Variants in CNTN4 observed in about 807,000 individuals in gnomAD.
CNTN4 encodes the protein contactin 4, also known as contactin-4.
Under a neutral mutation model 122.5 loss-of-function variants are expected in CNTN4, and 77 were observed. That is an observed-to-expected ratio of 0.63 (90% CI 0.52 to 0.76). CNTN4 has a LOEUF of 0.76. CNTN4 is among the 30% of genes least tolerant of loss of function. The pLI is 0.00. For missense variants in CNTN4, 1,256 were observed against 1,259.1 expected, an observed-to-expected ratio of 1.00 and a Z score of 0.04; for synonymous variants, 512 against 447.0, an observed-to-expected ratio of 1.15 and a Z score of -1.83.
chr3:2,886,706 G>A (rs1488191614), intron 9 of CNTN4, among the ~76,000 whole-genome samples: 1 of 151,332 alleles, frequency 6.6e-6, no homozygotes, highest in Non-Finnish European at 1.5e-5. Context: ...TAGAGACGGG[G>A]TTTCACCATG....
intron 4 of CNTN4, among the ~76,000 whole-genome samples, chr3:2,632,043 C>T (rs2082462916): frequency 1.3e-5 from 2 of 148,996 alleles, no homozygotes; most frequent in Admixed American, 6.7e-5. Flanking sequence ...AGAGCAAGAC[C>T]CTGTCTCAAA....
chr3:2,961,001 C>T (rs956205166), intron 13 of CNTN4, among the ~76,000 whole-genome samples: 11 of 148,526 alleles, frequency 7.4e-5, no homozygotes, highest in African/African-American at 2.5e-4. Context: ...GAGGCCGAGG[C>T]GGGTGGATCA....
At chr3:2,554,359 A>T (rs1456138597) in intron 3 of CNTN4, among the ~76,000 whole-genome samples, 1 of 152,098 alleles carries the variant, frequency 6.6e-6, no homozygotes, top group Non-Finnish European at 1.5e-5. Flanking sequence ...AAACCCAAAC[A>T]TACTTTGCTT....
intron 3 of CNTN4, among the ~76,000 whole-genome samples, chr3:2,554,813 A>G (rs758836264): frequency 4.6e-5 from 7 of 152,198 alleles, no homozygotes; most frequent in Non-Finnish European, 1.0e-4. Context: ...GCCAAAGCTC[A>G]TAGTTTCCTA....
intron 2 of CNTN4, among the ~76,000 whole-genome samples, chr3:2,148,525 C>T (rs1257720799): frequency 1.3e-5 from 2 of 150,936 alleles, no homozygotes; most frequent in Non-Finnish European, 2.9e-5. Context: ...AGAGCGAGCC[C>T]CTGTCTCAAA....
intron 3 of CNTN4, among the ~76,000 whole-genome samples, chr3:2,515,933 A>C (rs1039187408): frequency 6.6e-6 from 1 of 151,976 alleles, no homozygotes; most frequent in African/African-American, 2.4e-5. Context: ...CACACTTATA[A>C]ATATTTTTTA....
At chr3:2,586,113 A>G (rs1232146222) in intron 4 of CNTN4, among the ~76,000 whole-genome samples, 1 of 152,198 alleles carries the variant, frequency 6.6e-6, no homozygotes, top group Middle Eastern at 3.4e-3. Context: ...TGTATTATAG[A>G]TGGGGCAACT....
intron 2 of CNTN4, among the ~76,000 whole-genome samples, chr3:2,264,929 T>G (rs1430452667): frequency 6.6e-6 from 1 of 152,064 alleles, no homozygotes; most frequent in Non-Finnish European, 1.5e-5. Context: ...AGTTCTTTAG[T>G]GTTGATTTCT....
intron 3 of CNTN4, among the ~76,000 whole-genome samples, chr3:2,456,657 G>T (rs1559568617): frequency 6.6e-6 from 1 of 152,064 alleles, no homozygotes; most frequent in African/African-American, 2.4e-5. Context: ...CATTTAGCAT[G>T]ATATGTCTGA....
intron 6 of CNTN4, among the ~76,000 whole-genome samples, chr3:2,775,621 A>G (rs756757533): frequency 1.3e-5 from 2 of 152,028 alleles, no homozygotes; most frequent in Non-Finnish European, 2.9e-5. Context: ...GGATTTTACC[A>G]TGTTGGCCAG....
At chr3:2,358,985 G>T (rs533424503) in intron 3 of CNTN4, among the ~76,000 whole-genome samples, 2 of 152,124 alleles carry the variant, frequency 1.3e-5, no homozygotes, top group Non-Finnish European at 2.9e-5. Flanking sequence ...TCCAGTTGTG[G>T]TTAGGTGCTA....
At position 2,378,400 on chromosome 3, in the gene CNTN4, A is replaced by G. The variant is rs567898522; in HGVS notation, c.-89+39167A>G. On this transcript the variant is annotated intron_variant, in intron 3 of 24. Coordinates refer to ENST00000418658, the MANE Select transcript of CNTN4 (RefSeq NM_175607.3). ...TGTGCTATACCTTATTTCCACTCACACTGGTTAGAAGTCAGTCCCATTGCG... is the reference window on the plus strand; with the variant it reads ...TGTGCTATACCTTATTTCCACTCACGCTGGTTAGAAGTCAGTCCCATTGCG... Among the ~76,000 whole-genome samples, 9 of 152,278 alleles carry G rather than the reference A, an allele frequency of 5.9e-5. No homozygotes were observed. In the East Asian group the frequency reaches 7.7e-4, roughly 13 times the overall value.
chr3:2,947,055 C>T lies in CNTN4; in HGVS notation c.1358+21276C>T, dbSNP rs1411356689. ...CTTATCCAGAGCTAAGAAGAGTTAT[C>T]CTTTTAGCAAAAACATGAAATCTTC... On this transcript the variant is annotated intron_variant, in intron 13 of 24. Coordinates refer to ENST00000418658, the MANE Select transcript of CNTN4 (RefSeq NM_175607.3). Among the ~76,000 whole-genome samples the T allele has an allele frequency of 2.6e-5, 4 of 152,172 alleles. No individual in the cohort carries two copies. In the East Asian group the frequency reaches 5.8e-4, roughly 22 times the overall value.
At chr3:2,798,723 C>A (rs561565204) in intron 6 of CNTN4, among the ~76,000 whole-genome samples, 1 of 152,112 alleles carries the variant, frequency 6.6e-6, no homozygotes, top group Non-Finnish European at 1.5e-5. Flanking sequence ...GTTGTCCAGG[C>A]TGGTCTCAAA....
chr3:2,860,966 G>A lies in CNTN4; in HGVS notation c.455-5786G>A, dbSNP rs529180834. Among the ~76,000 whole-genome samples, 9 of 152,082 alleles carry A rather than the reference G, an allele frequency of 5.9e-5. No individual in the cohort carries two copies. The South Asian group carries it at 1.5e-3, about 25-fold the overall frequency. ...TCTCAGGGAAATTTTTGGGTTGCTC[G>A]CAATTTCTAACATTTTTTTTTCGCA... On this transcript the variant is annotated intron_variant, in intron 7 of 24. Coordinates refer to ENST00000418658, the MANE Select transcript of CNTN4 (RefSeq NM_175607.3).
chr3:2,472,958 G>A (rs1170785143), intron 3 of CNTN4, among the ~76,000 whole-genome samples: 2 of 152,154 alleles, frequency 1.3e-5, no homozygotes, highest in African/African-American at 2.4e-5. Flanking sequence ...AGTCGGCAGG[G>A]CGTGGTGGCT....
chr3:2,307,264 T>C (rs2042744104), intron 2 of CNTN4, among the ~76,000 whole-genome samples: 1 of 151,902 alleles, frequency 6.6e-6, no homozygotes, highest in African/African-American at 2.4e-5. Context: ...TGAAACCCCG[T>C]CTCTACTAAA....
chr3:2,841,365 A>T lies in CNTN4; in HGVS notation c.454+21784A>T, dbSNP rs1003472545. Among the ~76,000 whole-genome samples the T allele has an allele frequency of 6.6e-6, 1 of 152,200 alleles. No homozygotes were observed. The highest frequency in any genetic ancestry group is 2.4e-5 in the African/African-American group (1 of 41,444). ...TATTATATCCTACAATCACTCATAT[A>T]TCTTTATTTTTCCAACTCTACCATC... On this transcript the variant is annotated intron_variant, in intron 7 of 24. Coordinates refer to ENST00000418658, the MANE Select transcript of CNTN4 (RefSeq NM_175607.3). This position sits in a 1 kb window ranked among gnomAD's most constrained non-coding sequence, Gnocchi z 4.8.
At chr3:2,225,105 C>G (rs537358346) in intron 2 of CNTN4, among the ~76,000 whole-genome samples, 11 of 150,992 alleles carry the variant, frequency 7.3e-5, no homozygotes, top group South Asian at 2.1e-4. Flanking sequence ...GAGCCGAGAT[C>G]GCACCACTGC....
Sources: allele counts gnomAD v4.1 joint callset (sites outside exome capture counted in the v4.1 genomes callset), GRCh38; gene constraint gnomAD v4.1.1; non-coding constraint Gnocchi (gnomAD v3.1); transcripts MANE v1.5; gene names NCBI Gene and HGNC (gene_info 2026-07-23, HGNC 2026-07-21).